Variants in SPTB observed in about 807,000 individuals in gnomAD.
SPTB encodes spectrin beta, erythrocytic.
Under a neutral mutation model 256.2 loss-of-function variants are expected in SPTB, and 45 were observed. The observed-to-expected ratio is 0.18, with a 90% CI of 0.14 to 0.23. The LOEUF (loss-of-function observed/expected upper bound fraction) is 0.23. Ranked by LOEUF, SPTB falls within the 10% of genes least tolerant of loss-of-function variation. The pLI is 1.00. For synonymous variants in SPTB, 1,231 were observed against 1,243.1 expected (o/e 0.99, Z 0.21); for missense variants, 2,715 against 3,040.4 (o/e 0.89, Z 2.52).
Position 64,779,172 on chromosome 14 carries a change from G to T in SPTB, c.4548C>A (p.Phe1516Leu). Reference protein sequence around the residue: ...YGTNLQTVQLFMKKNQTLQNE... With the variant: ...YGTNLQTVQLLMKKNQTLQNE... ...CAGGACTCACCTGGTTCTTCTTCAT[G>T]AACAGTTGCACAGTTTGCAGATTAG... The change falls in exon 22 of 36, where the codon TTC (phenylalanine) becomes TTA (leucine). Residue 1516 changes from phenylalanine (F) to leucine (L), a missense_variant. Coordinates refer to ENST00000644917, the MANE Select transcript of SPTB (RefSeq NM_001355436.2). This position sits in a 1 kb window ranked among gnomAD's most constrained non-coding sequence, Gnocchi z 4.2. 1 of 1,613,922 alleles carries T rather than the reference G, an allele frequency of 6.2e-7. No individual in the cohort carries two copies. Among genetic ancestry groups the T allele is most frequent in the South Asian group, 1.1e-5 (1 of 91,012 alleles).
chr14:64,788,645 C>G (rs1368290763), intron 15 of SPTB, among the ~76,000 whole-genome samples: 3 of 152,180 alleles, frequency 2.0e-5, no homozygotes, highest in African/African-American at 7.2e-5. Context: ...TGTCCCCAGG[C>G]AAGAGGCCCC....
At chr14:64,788,000 T>C (rs183234779) in intron 15 of SPTB, among the ~76,000 whole-genome samples, 142 of 152,380 alleles carry the variant, frequency 9.3e-4, no homozygotes, top group Middle Eastern at 3.4e-3. Context: ...AGCCATTTTA[T>C]TGGCCTTTGG....
intron 2 of SPTB, among the ~76,000 whole-genome samples, chr14:64,818,718 A>AG (rs2083235950): frequency 6.6e-6 from 1 of 152,178 alleles, no homozygotes. Flanking sequence ...CTCATCTGGC[A>AG]GCTCCCAGTA....
In SPTB at chr14:64,770,879, C is replaced by A. The variant is rs1297371898; in HGVS notation, c.5798+6G>T. The A allele has an allele frequency of 1.2e-6, 2 of 1,614,050 alleles. No individual in the cohort carries two copies. The highest frequency in any genetic ancestry group is 8.5e-7 in the Non-Finnish European group (1 of 1,180,034). ...GCTGCCTCTGCCTCAAGGACACTCC[C>A]CTCACCTGGGCCTCTCCTGGGTCTC... On this transcript the variant is annotated splice_donor_region_variant and intron_variant, in intron 27 of 35. Coordinates refer to ENST00000644917, the MANE Select transcript of SPTB (RefSeq NM_001355436.2).
intron 33 of SPTB, among the ~76,000 whole-genome samples, chr14:64,752,031 T>A (rs1594736697): frequency 6.7e-6 from 1 of 150,228 alleles, no homozygotes; most frequent in Admixed American, 6.6e-5. Flanking sequence ...GAGGCGGAGG[T>A]TGCAGTGAGC....
rs200062689 is a variant in SPTB, at chr14:64,801,396, C to T, written c.652G>A (p.Asp218Asn). 112 of 1,613,568 alleles carry T rather than the reference C, an allele frequency of 6.9e-5. 1 individual carries two copies. Among genetic ancestry groups the T allele is most frequent in the African/African-American group, 9.3e-5 (7 of 74,910 alleles). ...FNALIHKHRPDLIDFDKLKDS... is the reference protein window; with the variant it reads ...FNALIHKHRPNLIDFDKLKDS... ...TTCAGCTTATCAAAGTCGATCAGGT[C>T]GGGCCTGGGGACAAAACTGGACTGT... The change falls in exon 7 of 36, where the codon GAC (aspartate) becomes AAC (asparagine). Residue 218 changes from aspartate to asparagine, a missense_variant. By Grantham distance (23) the Asp-to-Asn change is conservative (BLOSUM62 1). This residue lies in a region of SPTB where 416 missense variants were observed against 571.1 expected (regional missense o/e 0.73). Coordinates refer to ENST00000644917, the MANE Select transcript of SPTB (RefSeq NM_001355436.2).
Position 64,793,499 on chromosome 14 carries a change from A to G in SPTB, c.2164T>C (p.Ser722Pro). 6.2e-7 allele frequency: 1 copy of G among 1,614,032 alleles called. No individual in the cohort carries two copies. The highest frequency in any genetic ancestry group is 8.5e-7 in the Non-Finnish European group (1 of 1,180,032). ...TCCTTCAGCTGGTCCCACTGTGCCG[A>G]CACCTCCTTTATGCGGGCCTCGATC... is the stretch of plus-strand genomic sequence containing the variant. The part of the protein sequence containing the change: ...PQIEARIKEV[S>P]AQWDQLKDLA... Residue 722 changes from serine (S) to proline (P), a missense_variant, in exon 14 of 36, where the codon TCG (serine) becomes CCG (proline). By Grantham distance (74) the Ser-to-Pro change is moderately conservative (BLOSUM62 -1). Coordinates refer to ENST00000644917, the MANE Select transcript of SPTB (RefSeq NM_001355436.2). The surrounding 1 kb of genome is among the most constrained non-coding windows in gnomAD (Gnocchi z 7.0).
At chr14:64,762,529 G>A (rs1176786183) in intron 32 of SPTB, among the ~76,000 whole-genome samples, 1 of 152,208 alleles carries the variant, frequency 6.6e-6, no homozygotes, top group African/African-American at 2.4e-5. Context: ...CCTGCTCAGC[G>A]CCTCACGTTC....
intron 13 of SPTB, 113 bp downstream of exon 13, chr14:64,794,354 A>G: frequency 7.1e-7 from 1 of 1,408,536 alleles, no homozygotes; most frequent in Non-Finnish European, 9.9e-7. Context: ...TACTTGATGA[A>G]AGTAACAGAA....
At position 64,785,703 on chromosome 14, in the gene SPTB, C is replaced by G. The variant is rs747930997; in HGVS notation, c.3764+46G>C. On this transcript the variant is annotated intron_variant, in intron 17 of 35. Coordinates refer to ENST00000644917, the MANE Select transcript of SPTB (RefSeq NM_001355436.2). This position sits in a 1 kb window ranked among gnomAD's most constrained non-coding sequence, Gnocchi z 4.4. The stretch of plus-strand genomic sequence containing the variant: ...TCACCAAGCTTGGGGTCCTCACTAC[C>G]CCCGTGTGGCTCTGGGGGCCTCGTG... 6.2e-7 allele frequency: 1 copy of G among 1,613,748 alleles called. No homozygotes were observed. Among genetic ancestry groups the G allele is most frequent in the South Asian group, 1.1e-5 (1 of 91,060 alleles).
rs1324707122 is a variant in SPTB, at chr14:64,751,011, AT to A, written c.6603-858del. Among the ~76,000 whole-genome samples the A allele has an allele frequency of 3.4e-5, 5 of 145,712 alleles. No homozygotes were observed. The East Asian group carries it at 9.8e-4, about 28-fold the overall frequency. On this transcript the variant is annotated intron_variant, in intron 33 of 35. Coordinates refer to ENST00000644917, the MANE Select transcript of SPTB (RefSeq NM_001355436.2). ...CATTATATATAATACATTATATATTATACATTATGTTATATATTATATATGT... is the reference window on the plus strand; with the variant it reads ...CATTATATATAATACATTATATATTAACATTATGTTATATATTATATATGT...
rs571904369 is a variant in SPTB at position 64,847,361 on chromosome 14, G to A, written c.-51-24216C>T. On this transcript the variant is annotated intron_variant, in intron 1 of 35. Transcript: ENST00000644917. This position sits in a 1 kb window ranked among gnomAD's most constrained non-coding sequence, Gnocchi z 5.9. ...CAAATCAGACAGCCCTCTTCCAAGT[G>A]TCGTATCATGTCTCAGGCTAAGAGG... 6.6e-6 allele frequency among the ~76,000 whole-genome samples: 1 copy of A among 152,278 alleles called. No homozygotes were observed. The highest frequency in any genetic ancestry group is 1.9e-4 in the East Asian group (1 of 5,182).
chr14:64,784,706 G>A (rs1008303338), intron 18 of SPTB, among the ~76,000 whole-genome samples: 2 of 152,202 alleles, frequency 1.3e-5, no homozygotes, highest in Non-Finnish European at 2.9e-5. Flanking sequence ...GGAACCCAAC[G>A]AGTGTTTACT....
intron 1 of SPTB, among the ~76,000 whole-genome samples, chr14:64,861,240 T>C (rs571731860): frequency 6.6e-6 from 1 of 152,152 alleles, no homozygotes; most frequent in South Asian, 2.1e-4. Context: ...GACAGGTCAA[T>C]AGGTGCAGCA....
rs777351662 is a variant in SPTB at position 64,773,056 on chromosome 14, G to A, written c.5179-102C>T. The A allele has an allele frequency of 2.4e-5, 38 of 1,563,020 alleles. No homozygotes were observed. In the Middle Eastern group the frequency reaches 6.9e-4, roughly 29 times the overall value. ...TCCCAGGCAGCAACTGCAGCTCCGGGAGCTGCGCTGTCACACCTTCCCCAG... is the reference window on the plus strand; with the variant it reads ...TCCCAGGCAGCAACTGCAGCTCCGGAAGCTGCGCTGTCACACCTTCCCCAG... On this transcript the variant is annotated intron_variant, in intron 25 of 35. Transcript: ENST00000644917.
In SPTB at chr14:64,803,599, G is replaced by A. The variant is rs1361446697; in HGVS notation, c.474+8C>T. On this transcript the variant is annotated splice_region_variant and intron_variant, in intron 4 of 35. Coordinates refer to ENST00000644917, the MANE Select transcript of SPTB (RefSeq NM_001355436.2). ...TCCCTCGACTTCCTCTACCCCCCAG[G>A]AACCCACCTGGAAGCGGAGGATGAT... 3 of 1,614,060 alleles carry A rather than the reference G, an allele frequency of 1.9e-6. No individual in the cohort carries two copies. The South Asian group carries it at 3.3e-5, about 18-fold the overall frequency.
chr14:64,750,851 TTA>T (rs2081935608), intron 33 of SPTB, among the ~76,000 whole-genome samples: 1 of 146,548 alleles, frequency 6.8e-6, no homozygotes, highest in African/African-American at 2.5e-5. Context: ...TACATATTTA[TTA>T]TATAACATAT....
chr14:64,855,945 T>C (rs550065098), intron 1 of SPTB, among the ~76,000 whole-genome samples: 2 of 152,138 alleles, frequency 1.3e-5, no homozygotes, highest in Non-Finnish European at 2.9e-5. Context: ...CTCACAGGGC[T>C]GGGCTGCAGT....
rs1171101678 is a variant in SPTB, at chr14:64,749,182, G to A, written c.*124C>T. 1 of 1,221,526 alleles carries A rather than the reference G, an allele frequency of 8.2e-7. No individual in the cohort carries two copies. The highest frequency in any genetic ancestry group is 1.1e-6 in the Non-Finnish European group (1 of 882,838). The allele number at this position is 1,221,526 out of a possible 1,614,324, so 75.7% of individuals were successfully genotyped here. A position where few individuals can be genotyped will look rare whatever the true frequency, so the allele number is the denominator to read the frequency against. On this transcript the variant is annotated 3_prime_UTR_variant, in exon 36 of 36. Coordinates refer to ENST00000644917, the MANE Select transcript of SPTB (RefSeq NM_001355436.2). This position sits in a 1 kb window ranked among gnomAD's most constrained non-coding sequence, Gnocchi z 4.7. ...GCTTTTGCAGTGCAGCGTGGGGCCC[G>A]GGGGCCCGGCCCGCGACTCGACTCA...
Sources: gnomAD v4.1 joint callset for allele counts (sites outside exome capture counted in the v4.1 genomes callset) on GRCh38, gnomAD v4.1.1 for gene constraint, gnomAD v4.1.1 regional missense constraint, Gnocchi (gnomAD v3.1) non-coding constraint, MANE v1.5 for transcripts, NCBI Gene and HGNC (gene_info 2026-07-23, HGNC 2026-07-21) for gene names.